Variants in RAB11FIP1 observed in about 807,000 individuals in gnomAD.
The protein encoded by RAB11FIP1 is rab11 family-interacting protein 1.
Under a neutral mutation model 83.1 loss-of-function variants are expected in RAB11FIP1, and 49 were observed. That is an observed-to-expected ratio of 0.59 (90% CI 0.47 to 0.75). The LOEUF (loss-of-function observed/expected upper bound fraction) is 0.75. Ranked by LOEUF, RAB11FIP1 falls within the 30% of genes least tolerant of loss-of-function variation. The probability of loss-of-function intolerance (pLI) is 0.00; values close to 1 mark genes in which losing one functional copy is unlikely to be tolerated. For missense variants in RAB11FIP1, 1,536 were observed against 1,598.7 expected, an observed-to-expected ratio of 0.96 and a Z score of 0.67; for synonymous variants, 670 against 656.0, an observed-to-expected ratio of 1.02 and a Z score of -0.33.
In RAB11FIP1 at chr8:37,872,340, A is replaced by G; in HGVS notation, c.2462T>C (p.Val821Ala). Reference sequence around the variant, plus strand: ...TTCCACCAGCAAGGCAGCCCCCGCCACTGCCTCTTCCGTGAAGAGCTGCTC... The same window carrying G: ...TTCCACCAGCAAGGCAGCCCCCGCCGCTGCCTCTTCCGTGAAGAGCTGCTC... ...FSEQLFTEEA[V>A]AGAALLVEGH... Residue 821 changes from valine (V) to alanine (A), a missense_variant, in exon 4 of 6, where the codon GTG (valine) becomes GCG (alanine). Val to Ala is a moderately conservative substitution (Grantham distance 64). Transcript: ENST00000330843. 1 of 1,614,116 alleles carries G rather than the reference A, an allele frequency of 6.2e-7. No homozygotes were observed. Among genetic ancestry groups the G allele is most frequent in the Non-Finnish European group, 8.5e-7 (1 of 1,180,018 alleles).
In RAB11FIP1 at chr8:37,872,054, C is replaced by T. The variant is rs1173458185; in HGVS notation, c.2748G>A (p.Glu916=). The change falls in exon 4 of 6, where the codon GAG becomes GAA. Residue 916 remains glutamate (E), a synonymous_variant. Transcript: ENST00000330843. ...KDTPLFRMEG[E]DALVTQYQSK... ...TCTGATACTGAGTCACAAGGGCATC[C>T]TCTCCCTCCATCCTAAAGAGTGGAG... 5 of 1,614,006 alleles carry T rather than the reference C, an allele frequency of 3.1e-6. No homozygotes were observed. Among genetic ancestry groups the T allele is most frequent in the Non-Finnish European group, 4.2e-6 (5 of 1,180,040 alleles).
In RAB11FIP1 at chr8:37,874,903, T is replaced by A; in HGVS notation, c.1234A>T (p.Met412Leu). ...GTGGCCTCTGAGTTTGCGGGGGCCA[T>A]GTTTTCCCTGAGGTCCCCACTGACC... The part of the protein sequence containing the change: ...PLVSGDLREN[M>L]APANSEATKE... Residue 412 changes from methionine (M) to leucine (L), a missense_variant, in exon 3 of 6, where the codon ATG becomes TTG. Met to Leu is a conservative substitution (Grantham distance 15, BLOSUM62 2). Coordinates refer to ENST00000330843, the MANE Select transcript of RAB11FIP1 (RefSeq NM_001002814.3). 1 of 1,614,058 alleles carries A rather than the reference T, an allele frequency of 6.2e-7. No homozygotes were observed. Among genetic ancestry groups the A allele is most frequent in the Non-Finnish European group, 8.5e-7 (1 of 1,179,996 alleles).
chr8:37,864,750 A>G (rs1806309299), intron 5 of RAB11FIP1, among the ~76,000 whole-genome samples: 1 of 152,178 alleles, frequency 6.6e-6, no homozygotes, highest in Non-Finnish European at 1.5e-5. Flanking sequence ...TGCTTTTCCA[A>G]AACCTGCTTC....
chr8:37,877,708 ATTTTTTTTTTTTTTTTT>A (rs59670170), intron 1 of RAB11FIP1, 157 bp from the exon 2 acceptor site: 2 of 210,766 alleles, frequency 9.5e-6, no homozygotes, highest in East Asian at 2.2e-4. Flanking sequence ...TGAGAGCAGA[ATTTTTTTTTTTTTTTTT>A]TTTTTTTTTT....
chr8:37,892,051 T>TATCA (rs562928227), intron 1 of RAB11FIP1, among the ~76,000 whole-genome samples: 21 of 152,322 alleles, frequency 1.4e-4, no homozygotes, highest in African/African-American at 4.6e-4. Context: ...CTCACCCTGG[T>TATCA]ATCACAGTGA....
At chr8:37,898,124 G>A (rs1807129620) in intron 1 of RAB11FIP1, among the ~76,000 whole-genome samples, 1 of 152,226 alleles carries the variant, frequency 6.6e-6, no homozygotes. Flanking sequence ...ACCCTAGTAA[G>A]AAGAAGGCAC....
Position 37,870,492 on chromosome 8 carries a change from G to C in RAB11FIP1, c.3561C>G (p.Thr1187=). 2 of 1,608,362 alleles carry C rather than the reference G, an allele frequency of 1.2e-6. No individual in the cohort carries two copies. Among genetic ancestry groups the C allele is most frequent in the Non-Finnish European group, 1.7e-6 (2 of 1,175,128 alleles). ...HPVKPMNAMA[T]KVANCSLGTA... ...TTCCCAAGCTGCAGTTAGCAACCTT[G>C]GTGGCCATTGCATTCATTGGCTTCA... The change falls in exon 5 of 6, where the codon ACC becomes ACG. Residue 1187 remains threonine, a synonymous_variant. Transcript: ENST00000330843.
chr8:37,888,062 C>G (rs971719711), intron 1 of RAB11FIP1, among the ~76,000 whole-genome samples: 2 of 152,234 alleles, frequency 1.3e-5, no homozygotes, highest in African/African-American at 4.8e-5. Flanking sequence ...AGAAATGACT[C>G]ACTTCCAAAA....
chr8:37,868,619 T>G (rs897435989), intron 5 of RAB11FIP1, among the ~76,000 whole-genome samples: 1 of 152,144 alleles, frequency 6.6e-6, no homozygotes, highest in Non-Finnish European at 1.5e-5. Context: ...CCACTAAAGG[T>G]CACCAATCCC....
chr8:37,870,319 C>T, intron 5 of RAB11FIP1, 101 bp downstream of exon 5: 2 of 639,710 alleles, frequency 3.1e-6, no homozygotes, highest in Middle Eastern at 2.8e-4. Context: ...CTAAGTGTTC[C>T]TGGCACCACC....
Position 37,872,237 on chromosome 8 carries a change from CTCAGGAGGCTCTCCG to C in RAB11FIP1, c.2550_2564del (p.Asp850_Pro854del). The stretch of plus-strand genomic sequence containing the variant: ...TTTCTGAGTCCTCTGCGTGGGGAGA[CTCAGGAGGCTCTCCG>C]TCAGACGCGTTTCCAGCAACAGACC... On this transcript the variant is annotated inframe_deletion, in exon 4 of 6. Transcript: ENST00000330843. The C allele has an allele frequency of 6.2e-7, 1 of 1,614,044 alleles. No individual in the cohort carries two copies. Among genetic ancestry groups the C allele is most frequent in the Non-Finnish European group, 8.5e-7 (1 of 1,179,978 alleles).
At chr8:37,876,210 AAAGAAAGGAAGGAAGG>A (rs1443130964) in intron 2 of RAB11FIP1, among the ~76,000 whole-genome samples, 1 of 129,582 alleles carries the variant, frequency 7.7e-6, no homozygotes, top group Non-Finnish European at 1.7e-5. Flanking sequence ...AAAAGAAAAG[AAAGAAAGGAAGGAAGG>A]AAGGAAGGAA....
chr8:37,871,926 AGGCTTAAGTTCAGATC>A lies in RAB11FIP1; in HGVS notation c.2860_2875del (p.Asp954PhefsTer14). The A allele has an allele frequency of 6.2e-7, 1 of 1,614,216 alleles. No homozygotes were observed. Among genetic ancestry groups the A allele is most frequent in the Non-Finnish European group, 8.5e-7 (1 of 1,180,034 alleles). On this transcript the variant is annotated frameshift_variant, in exon 4 of 6. Transcript: ENST00000330843. LOFTEE classifies it high-confidence loss of function. ...CGATGCGACTTCAGGAATGGAAGGA[AGGCTTAAGTTCAGATC>A]GGCCATGATTGGAGATTTAAAATCT...
chr8:37,879,612 G>T (rs1457553974), intron 1 of RAB11FIP1, among the ~76,000 whole-genome samples: 1 of 152,126 alleles, frequency 6.6e-6, no homozygotes, highest in Non-Finnish European at 1.5e-5. Flanking sequence ...GCCAGGCGCA[G>T]TGGCTCACGC....
At chr8:37,882,836 C>T (rs1806754724) in intron 1 of RAB11FIP1, among the ~76,000 whole-genome samples, 1 of 152,150 alleles carries the variant, frequency 6.6e-6, no homozygotes, top group Non-Finnish European at 1.5e-5. Context: ...AAAACTACAA[C>T]CGATTCCAGA....
chr8:37,861,847 G>A lies in RAB11FIP1; in HGVS notation c.*1048C>T. On this transcript the variant is annotated 3_prime_UTR_variant, in exon 6 of 6. Coordinates refer to ENST00000330843, the MANE Select transcript of RAB11FIP1 (RefSeq NM_001002814.3). Reference sequence around the variant, plus strand: ...CAAGTGATCCACCCTCCTCGGCCTTGCAAAGTGCTGGGATTACAGGCATGA... The same window carrying A: ...CAAGTGATCCACCCTCCTCGGCCTTACAAAGTGCTGGGATTACAGGCATGA... 3.5e-6 allele frequency: 1 copy of A among 289,462 alleles called. No homozygotes were observed. Among genetic ancestry groups the A allele is most frequent in the South Asian group, 2.8e-5 (1 of 35,194 alleles). The allele number at this position is 289,462 out of a possible 1,614,324, so 17.9% of individuals were successfully genotyped here.
In RAB11FIP1 at chr8:37,877,159, G is replaced by A. The variant is rs1380772546; in HGVS notation, c.764C>T (p.Ser255Phe). The change falls in exon 2 of 6, where the codon TCC (serine) becomes TTC (phenylalanine). Residue 255 changes from serine to phenylalanine, a missense_variant. Coordinates refer to ENST00000330843, the MANE Select transcript of RAB11FIP1 (RefSeq NM_001002814.3). ...KVLLRPGDFQ[S>F]QWDEDDNEDE... is the part of the protein sequence containing the mutation. Reference sequence around the variant, plus strand: ...CTCATTGTCATCTTCATCCCACTGGGACTGAAAGTCTCCGGGACGAAGCAG... The same window carrying A: ...CTCATTGTCATCTTCATCCCACTGGAACTGAAAGTCTCCGGGACGAAGCAG... 5.6e-6 allele frequency: 9 copies of A among 1,614,020 alleles called. No homozygotes were observed. Among genetic ancestry groups the A allele is most frequent in the Non-Finnish European group, 6.8e-6 (8 of 1,180,036 alleles).
At chr8:37,876,038 T>C (rs1215217121) in intron 2 of RAB11FIP1, among the ~76,000 whole-genome samples, 1 of 151,370 alleles carries the variant, frequency 6.6e-6, no homozygotes, top group African/African-American at 2.4e-5. Context: ...CTACTAAAAA[T>C]ACAAAAATTC....
At position 37,871,541 on chromosome 8, in the gene RAB11FIP1, A is replaced by T; in HGVS notation, c.3261T>A (p.Pro1087=). 1 of 1,602,922 alleles carries T rather than the reference A, an allele frequency of 6.2e-7. No homozygotes were observed. Among genetic ancestry groups the T allele is most frequent in the Non-Finnish European group, 8.5e-7 (1 of 1,172,998 alleles). Residue 1087 remains proline, a synonymous_variant, in exon 4 of 6, where the codon CCT becomes CCA. Coordinates refer to ENST00000330843, the MANE Select transcript of RAB11FIP1 (RefSeq NM_001002814.3). ...GTACAGGATTGTCCAGGGATGTGCCAGGAGGCGGGCTTGGACTCCCATTTC... is the reference window on the plus strand; with the variant it reads ...GTACAGGATTGTCCAGGGATGTGCCTGGAGGCGGGCTTGGACTCCCATTTC... ...PMGNGSPSPP[P]GTSLDNPVPS...
Sources: allele counts gnomAD v4.1 joint callset (sites outside exome capture counted in the v4.1 genomes callset), GRCh38; gene constraint gnomAD v4.1.1; transcripts MANE v1.5; gene names NCBI Gene and HGNC (gene_info 2026-07-23, HGNC 2026-07-21).